The following MACF1 variants were observed in gnomAD, a reference collection of about 807,000 sequenced individuals.
MACF1 encodes microtubule actin crosslinking factor 1, also known as microtubule-actin cross-linking factor 1.
Under a neutral mutation model 854.8 loss-of-function variants are expected in MACF1, and 193 were observed. The ratio of observed to expected loss-of-function variants is 0.23; its 90% CI spans 0.20 to 0.25. The LOEUF (loss-of-function observed/expected upper bound fraction) is 0.25, where lower values mean the gene tolerates loss of function less well. MACF1 is among the 10% of genes least tolerant of loss of function. The pLI is 1.00. For missense variants in MACF1, 7,722 were observed against 8,929.1 expected, an observed-to-expected ratio of 0.86 and a Z score of 5.45; for synonymous variants, 3,185 against 3,226.7, an observed-to-expected ratio of 0.99 and a Z score of 0.44.
At chr1:39,314,742 T>A (rs764298608) in intron 26 of MACF1, among the ~76,000 whole-genome samples, 1 of 152,228 alleles carries the variant, frequency 6.6e-6, no homozygotes, top group Admixed American at 6.5e-5. Context: ...GTATATTTAC[T>A]TATTGTTCAG....
intron 58 of MACF1, among the ~76,000 whole-genome samples, chr1:39,399,579 G>A (rs1003598489): frequency 6.6e-6 from 1 of 151,984 alleles, no homozygotes; most frequent in African/African-American, 2.4e-5. Flanking sequence ...GTTTCGCCAC[G>A]TTGGCCAGGC....
chr1:39,268,753 A>G, intron 6 of MACF1: 1 of 1,289,234 alleles, frequency 7.8e-7, no homozygotes. Context: ...GCTATTCCTG[A>G]GAAGGCTCCC....
At position 39,331,945 on chromosome 1, in the gene MACF1, T is replaced by A; in HGVS notation, c.5357T>A (p.Val1786Glu). ...VDPRTGHRLT[V>E]EEAVRHNLID... ...CCAAGAACAGGACACAGACTTACAG[T>A]GGAAGAGGCTGTAAGACATAATCTG... Residue 1786 changes from valine (V) to glutamate (E), a missense_variant, in exon 37 of 101, where the codon GTG (valine) becomes GAG (glutamate). Val to Glu is a moderately radical substitution (Grantham distance 121). Around this residue, in one of 15 missense-constraint regions of MACF1, gnomAD observed 1,531 missense variants for 1,601.6 expected, o/e 0.96. Transcript: ENST00000564288. The A allele has an allele frequency of 6.2e-7, 1 of 1,614,012 alleles. No individual in the cohort carries two copies. The highest frequency in any genetic ancestry group is 8.5e-7 in the Non-Finnish European group (1 of 1,179,988).
At chr1:39,168,570 C>T (rs1224400143) in intron 2 of MACF1, among the ~76,000 whole-genome samples, 1 of 152,262 alleles carries the variant, frequency 6.6e-6, no homozygotes, top group South Asian at 2.1e-4. Context: ...CTCAAACTAT[C>T]TTCCCGCCTC....
chr1:39,191,195 CTTTCTTTTTTTT>C (rs1282443646), intron 2 of MACF1, among the ~76,000 whole-genome samples: 3 of 97,734 alleles, frequency 3.1e-5, no homozygotes, highest in Admixed American at 1.6e-4. Context: ...GTGATTCTTT[CTTTCTTTTTTTT>C]TTTTTTTTTT....
At chr1:39,352,937 A>G in intron 43 of MACF1, 70 bp from the exon 44 acceptor site, 2 of 1,085,944 alleles carry the variant, frequency 1.8e-6, no homozygotes, top group Non-Finnish European at 1.4e-6. Context: ...CCTTTACCCC[A>G]TTACTTAACC....
chr1:39,289,693 C>CTTTTTTTTT (rs58188740), intron 15 of MACF1, among the ~76,000 whole-genome samples: 721 of 28,962 alleles, frequency 0.025, 289 homozygotes, highest in Middle Eastern at 0.1. Context: ...GTGGGTTGTC[C>CTTTTTTTTT]TTTTTTTTTT....
At chr1:39,435,491 T>A (rs778248272) in intron 69 of MACF1, 67 bp from the exon 70 acceptor site, 3 of 1,323,190 alleles carry the variant, frequency 2.3e-6, no homozygotes, top group Non-Finnish European at 3.2e-6. Context: ...TTAGCTCTGA[T>A]CAAAGTATCT....
At chr1:39,412,938 A>AGAG in intron 58 of MACF1, 1 of 1,602,586 alleles carries the variant, frequency 6.2e-7, no homozygotes, top group Non-Finnish European at 8.5e-7. Flanking sequence ...TAGTCTCCTT[A>AGAG]GAGGAGGAGG....
intron 1 of MACF1, among the ~76,000 whole-genome samples, chr1:39,224,191 C>A (rs751975950): frequency 1.3e-5 from 2 of 152,098 alleles, no homozygotes; most frequent in Non-Finnish European, 2.9e-5. Context: ...TACTCCCCCC[C>A]ATACACACAT....
intron 2 of MACF1, among the ~76,000 whole-genome samples, chr1:39,094,649 C>T (rs1008203383): frequency 1.3e-5 from 2 of 150,190 alleles, no homozygotes; most frequent in Admixed American, 1.3e-4. Flanking sequence ...ACCTGGGAGG[C>T]GGAAGTTGCG....
chr1:39,290,613 T>C (rs1418756384), intron 15 of MACF1, among the ~76,000 whole-genome samples: 6 of 114,550 alleles, frequency 5.2e-5, no homozygotes, highest in Non-Finnish European at 1.2e-4. Flanking sequence ...TTTTTTTTTT[T>C]ATTCTCTCAT....
intron 6 of MACF1, chr1:39,269,373 AC>A: frequency 7.8e-7 from 1 of 1,289,824 alleles, no homozygotes; most frequent in South Asian, 1.2e-5. Flanking sequence ...GGAGGAAGGA[AC>A]CAAGAGTGTT....
At chr1:39,259,599 TTTTTTC>T (rs904950278) in intron 6 of MACF1, among the ~76,000 whole-genome samples, 62 of 152,056 alleles carry the variant, frequency 4.1e-4, no homozygotes, top group Admixed American at 6.6e-4. Flanking sequence ...TTTTCTTTTC[TTTTTTC>T]TTTTTCTTTT....
chr1:39,285,263 C>T, intron 12 of MACF1, 34 bp from the exon 13 acceptor site: 1 of 1,614,162 alleles, frequency 6.2e-7, no homozygotes, highest in Non-Finnish European at 8.5e-7. Flanking sequence ...CTGCTGTGAA[C>T]CTTGCACATG....
chr1:39,328,380 G>A (rs941666727), intron 36 of MACF1: 4 of 151,928 alleles, frequency 2.6e-5, no homozygotes, highest in Admixed American at 2.0e-4. Context: ...AAAAAGAGGG[G>A]GGAAAAGGAA....
rs1230959193 is a variant in MACF1 at position 39,447,599 on chromosome 1, A to G, written c.19761+12A>G. 2.5e-6 allele frequency: 4 copies of G among 1,614,030 alleles called. No homozygotes were observed. The Admixed American group carries it at 5.0e-5, about 20-fold the overall frequency. ...TAGAAGAGCACAAGGTAAGTATGATATTATGATGCTGCATTCTTTTTGAAA... is the reference window on the plus strand; with the variant it reads ...TAGAAGAGCACAAGGTAAGTATGATGTTATGATGCTGCATTCTTTTTGAAA... On this transcript the variant is annotated intron_variant, in intron 81 of 100. Transcript: ENST00000564288.
chr1:39,418,506 C>A (rs917302764), intron 58 of MACF1, among the ~76,000 whole-genome samples: 1 of 152,156 alleles, frequency 6.6e-6, no homozygotes, highest in African/African-American at 2.4e-5. Flanking sequence ...ATTTAGAGAT[C>A]TAGAAGAGGA....
intron 58 of MACF1, chr1:39,410,825 CTCAG>C: frequency 6.2e-7 from 1 of 1,613,994 alleles, no homozygotes; most frequent in Non-Finnish European, 8.5e-7. Flanking sequence ...CACAGGGAAC[CTCAG>C]TCAGAGTCAG....
Sources: allele counts gnomAD v4.1 joint callset (sites outside exome capture counted in the v4.1 genomes callset), GRCh38; gene constraint gnomAD v4.1.1; regional missense constraint gnomAD v4.1.1; transcripts MANE v1.5; gene names NCBI Gene and HGNC (gene_info 2026-07-23, HGNC 2026-07-21).